QSER1: variants seen among roughly 807,000 people sequenced by gnomAD.
QSER1 encodes glutamine and serine-rich protein 1.
A neutral mutation model predicts 158.5 loss-of-function variants in QSER1; 49 were observed. That is an observed-to-expected ratio of 0.31 (90% CI 0.25 to 0.39). The LOEUF (loss-of-function observed/expected upper bound fraction) is 0.39. QSER1 is among the 10% of genes least tolerant of loss of function. The pLI is 1.00. For missense variants in QSER1, 1,754 were observed against 2,010.3 expected (o/e 0.87, Z 2.44); for synonymous variants, 650 against 715.5 (o/e 0.91, Z 1.46).
chr11:32,913,162 G>A (rs1851789130), intron 1 of QSER1, among the ~76,000 whole-genome samples: 1 of 136,034 alleles, frequency 7.4e-6, no homozygotes, highest in East Asian at 2.1e-4. Context: ...GCTTTCCCTG[G>A]ATAATTTCTC....
rs1247928539 is a variant in QSER1, at chr11:32,977,627, G to T, written c.*1153G>T. The T allele has an allele frequency of 7.2e-5, 11 of 152,550 alleles. No individual in the cohort carries two copies. Among genetic ancestry groups the T allele is most frequent in the Non-Finnish European group, 1.3e-4 (9 of 68,008 alleles). The allele number at this position is 152,550 out of a possible 1,614,324, so 9.4% of individuals were successfully genotyped here. On this transcript the variant is annotated 3_prime_UTR_variant, in exon 13 of 13. Coordinates refer to ENST00000650167, the MANE Select transcript of QSER1 (RefSeq NM_001076786.3). ...GAGCTCTCCTTTTGGTGCCTTTCCA[G>T]CCTTTATACACACTATTGTAGCTTT...
At chr11:32,919,750 T>C (rs961086514) in intron 1 of QSER1, among the ~76,000 whole-genome samples, 14 of 152,192 alleles carry the variant, frequency 9.2e-5, no homozygotes, top group African/African-American at 3.4e-4. Flanking sequence ...ATAAATTAAT[T>C]GGGAATTCTT....
rs1292790725 is a variant in QSER1, at chr11:32,935,190, A to C, written c.3932A>C (p.Gln1311Pro). 6.2e-7 allele frequency: 1 copy of C among 1,614,070 alleles called. No individual in the cohort carries two copies. Among genetic ancestry groups the C allele is most frequent in the East Asian group, 2.2e-5 (1 of 44,890 alleles). The change falls in exon 4 of 13, where the codon CAG becomes CCG. Residue 1311 changes from glutamine (Q) to proline (P), a missense_variant. Physicochemically the swap from Gln to Pro is moderately conservative, Grantham distance 76. This residue lies in a region of QSER1 where 1,707 missense variants were observed against 1,919.6 expected (regional missense o/e 0.89). Transcript: ENST00000650167. ...MPNRTRRPGT[Q>P]MVRTFCPPPL... ...AACAGGACTAGACGGCCAGGGACCC[A>C]GATGGTTCGTACATTTTGTCCCCCA...
rs1370930730 is a variant in QSER1, at chr11:32,979,234, T to C, written c.*2760T>C. The C allele has an allele frequency of 1.3e-5, 2 of 152,674 alleles. No individual in the cohort carries two copies. The highest frequency in any genetic ancestry group is 4.8e-5 in the African/African-American group (2 of 41,462). 9.5% of individuals were successfully genotyped at this position (152,674 alleles called of 1,614,324 possible). A position where few individuals can be genotyped will look rare whatever the true frequency, so the allele number is the denominator to read the frequency against. Reference sequence around the variant, plus strand: ...TCCTTGCCAGGGAGTTTGAAATTTATACTATAGAAATAACTTTAGGTTTTA... The same window carrying C: ...TCCTTGCCAGGGAGTTTGAAATTTACACTATAGAAATAACTTTAGGTTTTA... On this transcript the variant is annotated 3_prime_UTR_variant, in exon 13 of 13. Coordinates refer to ENST00000650167, the MANE Select transcript of QSER1 (RefSeq NM_001076786.3).
intron 4 of QSER1, among the ~76,000 whole-genome samples, chr11:32,953,096 T>C (rs1360270880): frequency 6.6e-6 from 1 of 152,078 alleles, no homozygotes; most frequent in South Asian, 2.1e-4. Context: ...CCACCGTGCA[T>C]GGCCCCAATC....
At chr11:32,920,810 A>G (rs1197345238) in intron 1 of QSER1, among the ~76,000 whole-genome samples, 1 of 152,180 alleles carries the variant, frequency 6.6e-6, no homozygotes, top group Non-Finnish European at 1.5e-5. Context: ...ACCACTCCAC[A>G]CCTGTTAGGA....
At position 32,933,361 on chromosome 11, in the gene QSER1, G is replaced by T; in HGVS notation, c.2103G>T (p.Leu701Phe). 1 of 1,613,170 alleles carries T rather than the reference G, an allele frequency of 6.2e-7. No individual in the cohort carries two copies. Among genetic ancestry groups the T allele is most frequent in the Non-Finnish European group, 8.5e-7 (1 of 1,179,728 alleles). Residue 701 changes from leucine to phenylalanine, a missense_variant, in exon 4 of 13, where the codon TTG becomes TTT. Physicochemically the swap from Leu to Phe is conservative, Grantham distance 22. This residue lies in a region of QSER1 where 1,707 missense variants were observed against 1,919.6 expected (regional missense o/e 0.89). Coordinates refer to ENST00000650167, the MANE Select transcript of QSER1 (RefSeq NM_001076786.3). The stretch of plus-strand genomic sequence containing the variant: ...TTCCAATGCAAGAGTTACAGGTGTT[G>T]CAGCCACAAGCATCTCTTGAGTCAT... ...DGFPMQELQV[L>F]QPQASLESST...
At position 32,935,305 on chromosome 11, in the gene QSER1, T is replaced by TA; in HGVS notation, c.4052dup (p.Asn1351LysfsTer11). On this transcript the variant is annotated frameshift_variant, in exon 4 of 13. Coordinates refer to ENST00000650167, the MANE Select transcript of QSER1 (RefSeq NM_001076786.3). LOFTEE classifies it high-confidence loss of function. ...CATCAGATAAAGTTGATAATGAACT[T>TA]AAAAACTTGGAACATTTATCTTCAT... 6.2e-7 allele frequency: 1 copy of TA among 1,613,954 alleles called. No homozygotes were observed. The highest frequency in any genetic ancestry group is 8.5e-7 in the Non-Finnish European group (1 of 1,179,904).
intron 1 of QSER1, among the ~76,000 whole-genome samples, chr11:32,903,661 C>G (rs1455732257): frequency 6.6e-6 from 1 of 152,014 alleles, no homozygotes; most frequent in Non-Finnish European, 1.5e-5. Flanking sequence ...GGCTGGAGTA[C>G]AGTGGCGCGA....
intron 8 of QSER1, among the ~76,000 whole-genome samples, chr11:32,964,473 T>C (rs750006092): frequency 9.9e-5 from 15 of 152,150 alleles, no homozygotes; most frequent in Non-Finnish European, 1.5e-4. Context: ...AGTATCTTAA[T>C]ATTATCATGA....
chr11:32,899,527 G>A (rs922414488), intron 1 of QSER1, among the ~76,000 whole-genome samples: 21 of 152,126 alleles, frequency 1.4e-4, no homozygotes, highest in Non-Finnish European at 2.6e-4. Context: ...AGTGTTACCT[G>A]TATCTCCTTG....
chr11:32,964,727 TATATATATATATAC>T, intron 8 of QSER1, among the ~76,000 whole-genome samples: 1 of 106,082 alleles, frequency 9.4e-6, no homozygotes, highest in South Asian at 3.0e-4. Flanking sequence ...CATATATATA[TATATATATATATAC>T]ACACACACAC....
intron 10 of QSER1, among the ~76,000 whole-genome samples, chr11:32,972,877 G>A (rs1254641650): frequency 1.3e-5 from 2 of 152,180 alleles, no homozygotes; most frequent in Non-Finnish European, 1.5e-5. Flanking sequence ...TGAAGCCAGA[G>A]AAGCACTACA....
chr11:32,907,894 G>T (rs547706433), intron 1 of QSER1, among the ~76,000 whole-genome samples: 8 of 152,186 alleles, frequency 5.3e-5, no homozygotes, highest in Non-Finnish European at 1.0e-4. Flanking sequence ...GAGCCCAGTA[G>T]TATGAGACCA....
chr11:32,970,790 G>C (rs1330894845), intron 10 of QSER1, among the ~76,000 whole-genome samples: 1 of 152,014 alleles, frequency 6.6e-6, no homozygotes, highest in Non-Finnish European at 1.5e-5. Flanking sequence ...GGAGACAAGG[G>C]AACATTTTTA....
chr11:32,954,427 T>C (rs1168008537), intron 5 of QSER1, among the ~76,000 whole-genome samples: 1 of 152,226 alleles, frequency 6.6e-6, no homozygotes, highest in Non-Finnish European at 1.5e-5. Context: ...GTAATTATAG[T>C]AGTTTTAAAA....
Position 32,955,377 on chromosome 11 carries a change from C to A in QSER1, c.4582C>A (p.Arg1528=). The change falls in exon 6 of 13, where the codon CGA becomes AGA. Residue 1528 remains arginine (R), a synonymous_variant. Coordinates refer to ENST00000650167, the MANE Select transcript of QSER1 (RefSeq NM_001076786.3). The part of the protein sequence containing the change: ...ALLQKFVPEI[R]DGQREFAATN... The stretch of plus-strand genomic sequence containing the variant: ...ATTACAGAAATTTGTTCCTGAAATT[C>A]GAGATGGTCAAAGAGAATTTGCTGC... The A allele has an allele frequency of 6.3e-7, 1 of 1,596,280 alleles. No homozygotes were observed. Among genetic ancestry groups the A allele is most frequent in the Non-Finnish European group, 8.5e-7 (1 of 1,172,100 alleles).
intron 6 of QSER1, 101 bp from the exon 7 acceptor site, chr11:32,955,887 G>A: frequency 9.0e-7 from 1 of 1,113,772 alleles, no homozygotes; most frequent in Admixed American, 2.5e-5. Context: ...CTGCATTTTA[G>A]AAAACTTGAA....
At chr11:32,913,644 C>A (rs1851798626) in intron 1 of QSER1, among the ~76,000 whole-genome samples, 1 of 152,160 alleles carries the variant, frequency 6.6e-6, no homozygotes, top group South Asian at 2.1e-4. Context: ...GCAGAACTTA[C>A]CTTTAGGTGC....
Sources: allele counts gnomAD v4.1 joint callset (sites outside exome capture counted in the v4.1 genomes callset), GRCh38; gene constraint gnomAD v4.1.1; regional missense constraint gnomAD v4.1.1; transcripts MANE v1.5; gene names NCBI Gene and HGNC (gene_info 2026-07-23, HGNC 2026-07-21).